TTC28: variants seen among roughly 807,000 people sequenced by gnomAD.
TTC28 encodes the protein tetratricopeptide repeat domain 28, also known as tetratricopeptide repeat protein 28.
A neutral mutation model predicts 198.0 loss-of-function variants in TTC28; 61 were observed. That is an observed-to-expected ratio of 0.31 (90% CI 0.25 to 0.38). The LOEUF (loss-of-function observed/expected upper bound fraction) is 0.38, where lower values mean the gene tolerates loss of function less well. Among genes scored for constraint, TTC28 ranks in the 10% least tolerant of loss-of-function variants. The probability of loss-of-function intolerance (pLI) is 1.00; values close to 1 mark genes in which losing one functional copy is unlikely to be tolerated. For synonymous variants in TTC28, 1,171 were observed against 1,297.8 expected (o/e 0.90, Z 2.10); for missense variants, 2,678 against 3,164.0 (o/e 0.85, Z 3.69).
chr22:28,280,264 C>G (rs6005752), intron 5 of TTC28, among the ~76,000 whole-genome samples: 65,485 of 151,736 alleles, frequency 0.43, 16,252 homozygotes, highest in African/African-American at 0.7. Context: ...CAATTCAACG[C>G]TATACTTTTT....
chr22:28,009,951 C>A (rs1938079728), intron 14 of TTC28, among the ~76,000 whole-genome samples: 1 of 152,162 alleles, frequency 6.6e-6, no homozygotes, highest in African/African-American at 2.4e-5. Context: ...ACTTTAATAC[C>A]TTTAAAAAGG....
chr22:28,428,211 A>C (rs1352942567), intron 2 of TTC28, among the ~76,000 whole-genome samples: 1 of 152,176 alleles, frequency 6.6e-6, no homozygotes, highest in Admixed American at 6.5e-5. Flanking sequence ...GAAAATGCCC[A>C]TCTACCTTGC....
At chr22:28,394,549 G>T (rs373720515) in intron 2 of TTC28, among the ~76,000 whole-genome samples, 14 of 152,142 alleles carry the variant, frequency 9.2e-5, no homozygotes, top group African/African-American at 2.7e-4. Flanking sequence ...GCTAATACAA[G>T]ATTCAATTTA....
chr22:28,655,302 T>G (rs992915230), intron 1 of TTC28, among the ~76,000 whole-genome samples: 1 of 152,210 alleles, frequency 6.6e-6, no homozygotes, highest in Non-Finnish European at 1.5e-5. Context: ...AATCTTTCCA[T>G]GTATTATCTA....
At chr22:27,985,225 AC>A (rs1413586073) in intron 22 of TTC28, 23 bp downstream of exon 22, 6 of 1,524,772 alleles carry the variant, frequency 3.9e-6, no homozygotes, top group Admixed American at 2.0e-5. Context: ...CTGGTGGAGA[AC>A]TGGTCTGAGG....
chr22:28,109,548 T>G (rs1942425056), intron 6 of TTC28, among the ~76,000 whole-genome samples: 1 of 152,258 alleles, frequency 6.6e-6, no homozygotes, highest in African/African-American at 2.4e-5. Context: ...CAAACAAACC[T>G]CATGAACCAT....
intron 2 of TTC28, among the ~76,000 whole-genome samples, chr22:28,355,659 T>C (rs370534042): frequency 1.3e-5 from 2 of 152,254 alleles, no homozygotes; most frequent in East Asian, 3.8e-4. Context: ...AGCCAATTCA[T>C]TCCAATTCCT....
At chr22:28,192,277 A>T (rs1924889579) in intron 5 of TTC28, among the ~76,000 whole-genome samples, 1 of 152,166 alleles carries the variant, frequency 6.6e-6, no homozygotes, top group Non-Finnish European at 1.5e-5. Context: ...TCCACACCAA[A>T]ACCCCATCTG....
At chr22:28,566,948 G>T (rs1180139553) in intron 2 of TTC28, among the ~76,000 whole-genome samples, 1 of 152,116 alleles carries the variant, frequency 6.6e-6, no homozygotes, top group Non-Finnish European at 1.5e-5. Flanking sequence ...TGGGTGCAGT[G>T]GCTCACGCCT....
intron 5 of TTC28, among the ~76,000 whole-genome samples, chr22:28,217,215 C>A (rs1927474407): frequency 6.6e-6 from 1 of 152,084 alleles, no homozygotes; most frequent in African/African-American, 2.4e-5. Context: ...ATACACACTG[C>A]ATATCAAAAG....
intron 5 of TTC28, among the ~76,000 whole-genome samples, chr22:28,248,592 A>T (rs1319191798): frequency 1.3e-5 from 2 of 152,104 alleles, no homozygotes. Context: ...ATATGATACC[A>T]CTTTGCTGAT....
At position 28,553,210 on chromosome 22, in the gene TTC28, C is replaced by T. The variant is rs561539119; in HGVS notation, c.381+76342G>A. Among the ~76,000 whole-genome samples the T allele has an allele frequency of 2.0e-5, 3 of 152,174 alleles. No individual in the cohort carries two copies. In the East Asian group the frequency reaches 5.9e-4, roughly 30 times the overall value. On this transcript the variant is annotated intron_variant, in intron 2 of 22. Coordinates refer to ENST00000397906, the MANE Select transcript of TTC28 (RefSeq NM_001145418.2). The stretch of plus-strand genomic sequence containing the variant: ...TTGCAGCCTCTGCCCGGCCGCCACC[C>T]CGTCTGGGAAGTGAGGAGCGTCTCT...
rs972310311 is a variant in TTC28 at position 27,983,624 on chromosome 22, C to G, written c.6043G>C (p.Gly2015Arg). The G allele has an allele frequency of 7.8e-6, 12 of 1,543,502 alleles. No homozygotes were observed. The African/African-American group carries it at 1.7e-4, about 21-fold the overall frequency. ...VSKPEGGSEG[G>R]GPGGRQDHDR... ...TGGTCCTGCCGTCCTCCGGGGCCTC[C>G]ACCCTCTGATCCACCCTCGGGTTTG... The change falls in exon 23 of 23, where the codon GGA becomes CGA. Residue 2015 changes from glycine (G) to arginine (R), a missense_variant. By Grantham distance (125) the Gly-to-Arg change is moderately radical (BLOSUM62 -2). Transcript: ENST00000397906.
chr22:28,213,796 A>C (rs1927137169), intron 5 of TTC28, among the ~76,000 whole-genome samples: 1 of 152,048 alleles, frequency 6.6e-6, no homozygotes, highest in South Asian at 2.1e-4. Context: ...GTTCATATGG[A>C]ACCAAAAAAG....
intron 12 of TTC28, among the ~76,000 whole-genome samples, chr22:28,036,574 C>A (rs991067280): frequency 2.6e-5 from 4 of 152,172 alleles, no homozygotes; most frequent in Admixed American, 6.5e-5. Context: ...CAGGAGAGAT[C>A]TAAAATTGAC....
At chr22:28,364,631 G>C (rs560261874) in intron 2 of TTC28, among the ~76,000 whole-genome samples, 1 of 152,220 alleles carries the variant, frequency 6.6e-6, no homozygotes, top group East Asian at 1.9e-4. Context: ...TGGAAGTTTG[G>C]AAGAAGTCAA....
intron 6 of TTC28, among the ~76,000 whole-genome samples, chr22:28,117,665 C>T (rs1942669642): frequency 6.6e-6 from 1 of 152,212 alleles, no homozygotes; most frequent in Admixed American, 6.5e-5. Context: ...CAAAAGCACA[C>T]TGAAGTCTAC....
At chr22:28,556,684 T>A (rs2049791754) in intron 2 of TTC28, among the ~76,000 whole-genome samples, 1 of 152,250 alleles carries the variant, frequency 6.6e-6, no homozygotes, top group South Asian at 2.1e-4. Context: ...GCTCAAGAAC[T>A]CAGAAGCAGC....
At chr22:28,139,770 T>C (rs1943285823) in intron 6 of TTC28, among the ~76,000 whole-genome samples, 1 of 151,488 alleles carries the variant, frequency 6.6e-6, no homozygotes, top group Non-Finnish European at 1.5e-5. Context: ...CCTCTCCAGC[T>C]CCAAAATTTG....
Sources: gnomAD v4.1 joint callset for allele counts (sites outside exome capture counted in the v4.1 genomes callset) on GRCh38, gnomAD v4.1.1 for gene constraint, MANE v1.5 for transcripts, NCBI Gene and HGNC (gene_info 2026-07-23, HGNC 2026-07-21) for gene names.